Variants in RARB observed in about 807,000 individuals in gnomAD.
RARB encodes the protein retinoic acid receptor beta, also known as HBV-activated protein.
A neutral mutation model predicts 51.9 loss-of-function variants in RARB; 17 were observed. The ratio of observed to expected loss-of-function variants is 0.33; its 90% CI spans 0.22 to 0.49. The LOEUF (loss-of-function observed/expected upper bound fraction) is 0.49, where lower values mean the gene tolerates loss of function less well. Among genes scored for constraint, RARB ranks in the 20% least tolerant of loss-of-function variants. The pLI is 0.99. For missense variants in RARB, 369 were observed against 550.8 expected (o/e 0.67, Z 3.30); for synonymous variants, 215 against 195.4 (o/e 1.10, Z -0.84).
chr3:25,545,913 T>C (rs1025465664), intron 3 of RARB, among the ~76,000 whole-genome samples: 3 of 152,028 alleles, frequency 2.0e-5, no homozygotes, highest in African/African-American at 7.2e-5. Flanking sequence ...AAACAAGAAG[T>C]GAAATAAAAC....
intron 2 of RARB, among the ~76,000 whole-genome samples, chr3:25,051,015 C>G (rs1392326436): frequency 1.3e-5 from 2 of 152,162 alleles, no homozygotes; most frequent in Non-Finnish European, 2.9e-5. Context: ...TCATCTCTCA[C>G]TCTCTTTAAC....
intron 2 of RARB, among the ~76,000 whole-genome samples, chr3:24,983,866 G>T (rs980094831): frequency 1.1e-4 from 16 of 151,898 alleles, no homozygotes; most frequent in African/African-American, 3.6e-4. Context: ...CTAAAAACAT[G>T]AAAGATAATT....
At chr3:25,007,045 C>T (rs974608121) in intron 2 of RARB, among the ~76,000 whole-genome samples, 1 of 152,108 alleles carries the variant, frequency 6.6e-6, no homozygotes, top group Non-Finnish European at 1.5e-5. Flanking sequence ...ACAGTGATTG[C>T]AAAGAAACTT....
intron 4 of RARB, among the ~76,000 whole-genome samples, chr3:25,574,432 C>T (rs1281169657): frequency 6.6e-6 from 1 of 152,216 alleles, no homozygotes; most frequent in African/African-American, 2.4e-5. Context: ...CTCCTCTCCA[C>T]CCCATCATAA....
intron 1 of RARB, among the ~76,000 whole-genome samples, chr3:24,853,150 T>TAAA (rs779808875): frequency 7.7e-6 from 1 of 129,092 alleles, no homozygotes; most frequent in African/African-American, 2.8e-5. Flanking sequence ...CTGTCTTTAC[T>TAAA]AAAAAAAAAA....
rs1696359772 is a variant in RARB at position 24,970,038 on chromosome 3, A to G, written c.-379-90087A>G. Among the ~76,000 whole-genome samples the G allele has an allele frequency of 2.6e-5, 4 of 152,086 alleles. No homozygotes were observed. The East Asian group carries it at 7.7e-4, about 29-fold the overall frequency. ...ACAAACGTTATATAAAGGAGCAGACAGTACATATTTTAGGCTGTGTGGGCT... is the reference window on the plus strand; with the variant it reads ...ACAAACGTTATATAAAGGAGCAGACGGTACATATTTTAGGCTGTGTGGGCT... On this transcript the variant is annotated intron_variant, in intron 2 of 11. Coordinates refer to the RARB transcript ENST00000383772.
At chr3:25,423,750 C>T (rs1403571224), upstream of RARB, among the ~76,000 whole-genome samples, 2 of 152,110 alleles carry the variant, frequency 1.3e-5, no homozygotes, top group Non-Finnish European at 2.9e-5. Flanking sequence ...GAGTAAAGAT[C>T]TAGATTTAAA....
intron 2 of RARB, among the ~76,000 whole-genome samples, chr3:24,938,016 T>G (rs560326238): frequency 6.8e-6 from 1 of 146,060 alleles, no homozygotes; most frequent in African/African-American, 2.6e-5. Context: ...CTGTATCGAT[T>G]GGAATGTGTA....
intron 2 of RARB, among the ~76,000 whole-genome samples, chr3:24,994,572 G>T (rs1385062402): frequency 1.3e-5 from 2 of 151,974 alleles, no homozygotes; most frequent in African/African-American, 4.8e-5. Context: ...TCATTTCCCA[G>T]ACTAATGTCC....
At chr3:24,830,822 G>A (rs918889607) in intron 1 of RARB, among the ~76,000 whole-genome samples, 1 of 152,000 alleles carries the variant, frequency 6.6e-6, no homozygotes, top group Non-Finnish European at 1.5e-5. Flanking sequence ...GGAGAGAGTC[G>A]AGAGCCGAGA....
intron 5 of RARB, among the ~76,000 whole-genome samples, chr3:25,335,810 T>G (rs1396415187): frequency 6.6e-6 from 1 of 152,192 alleles, no homozygotes; most frequent in Non-Finnish European, 1.5e-5. Context: ...GTACTGATAT[T>G]TTGTCACCTA....
chr3:24,924,984 T>C (rs1158592237), intron 2 of RARB, among the ~76,000 whole-genome samples: 2 of 152,142 alleles, frequency 1.3e-5, no homozygotes, highest in Non-Finnish European at 2.9e-5. Context: ...ATATCACCTG[T>C]TCCTGGGCTG....
intron 5 of RARB, among the ~76,000 whole-genome samples, chr3:25,204,447 C>T (rs898216693): frequency 2.0e-5 from 3 of 152,220 alleles, no homozygotes; most frequent in African/African-American, 7.2e-5. Flanking sequence ...TCTCCGTCCA[C>T]CTTTGTTCCA....
At chr3:25,267,099 C>T (rs762386583) in intron 5 of RARB, among the ~76,000 whole-genome samples, 1 of 152,180 alleles carries the variant, frequency 6.6e-6, no homozygotes, top group African/African-American at 2.4e-5. Flanking sequence ...AAGAAAACTT[C>T]CCACAAGTGA....
intron 3 of RARB, among the ~76,000 whole-genome samples, chr3:25,508,470 A>G (rs988202589): frequency 2.0e-5 from 3 of 152,140 alleles, no homozygotes; most frequent in Non-Finnish European, 4.4e-5. Context: ...CTTGTGCACA[A>G]ATTATATTGA....
chr3:25,135,798 T>G (rs532933559), intron 4 of RARB, among the ~76,000 whole-genome samples: 1 of 152,070 alleles, frequency 6.6e-6, no homozygotes, highest in South Asian at 2.1e-4. Context: ...TATAAGGACA[T>G]ATCAATCAGG....
At chr3:25,441,416 A>G (rs572833938) in intron 1 of RARB, 277 of 198,334 alleles carry the variant, frequency 1.4e-3, no homozygotes, top group Non-Finnish European at 2.2e-3. Context: ...GCCTGTAACA[A>G]TGAGGTTTCT....
At chr3:24,884,382 G>C (rs182965778) in intron 2 of RARB, among the ~76,000 whole-genome samples, 4 of 152,182 alleles carry the variant, frequency 2.6e-5, no homozygotes, top group Non-Finnish European at 5.9e-5. Context: ...TAGTTTAAGG[G>C]AAAGTACATG....
At chr3:25,024,526 G>T (rs1697702454) in intron 2 of RARB, among the ~76,000 whole-genome samples, 2 of 152,118 alleles carry the variant, frequency 1.3e-5, no homozygotes, top group African/African-American at 4.8e-5. Flanking sequence ...TATCTTCTCT[G>T]CAGATAAGAG....
Sources: gnomAD v4.1 joint callset for allele counts (sites outside exome capture counted in the v4.1 genomes callset) on GRCh38, gnomAD v4.1.1 for gene constraint, MANE v1.5 for transcripts, NCBI Gene and HGNC (gene_info 2026-07-23, HGNC 2026-07-21) for gene names.